The following KLHL2 variants were observed in gnomAD, a reference collection of about 807,000 sequenced individuals.
KLHL2 encodes the protein kelch-like protein 2.
KLHL2 carries 15 observed loss-of-function variants against 75.8 expected under a neutral mutation model. The observed-to-expected ratio is 0.20, with a 90% CI of 0.13 to 0.30. The LOEUF is 0.30. Among genes scored for constraint, KLHL2 ranks in the 10% least tolerant of loss-of-function variants. KLHL2 has a pLI of 1.00. For missense variants in KLHL2, 381 were observed against 741.0 expected (o/e 0.51, Z 5.64); for synonymous variants, 214 against 251.9 (o/e 0.85, Z 1.42).
At chr4:165,257,477 G>C (rs576882479) in intron 4 of KLHL2, among the ~76,000 whole-genome samples, 1 of 152,204 alleles carries the variant, frequency 6.6e-6, no homozygotes, top group Non-Finnish European at 1.5e-5. Flanking sequence ...GAAGGCCTAG[G>C]ATAGGAAGCC....
rs182921799 is a variant in KLHL2, at chr4:165,271,732, A to C, written c.544+8373A>C. Among the ~76,000 whole-genome samples, 279 of 152,350 alleles carry C rather than the reference A, an allele frequency of 1.8e-3. 1 individual carries two copies. Among genetic ancestry groups the C allele is most frequent in the Non-Finnish European group, 2.3e-3 (156 of 68,028 alleles). On this transcript the variant is annotated intron_variant, in intron 5 of 14. Transcript: ENST00000226725. ...ATTTCTGGAAGATAAATCTGGTAGA[A>C]GTTACAATCCACCAACTGCCTGCAA...
intron 9 of KLHL2, 24 bp from the exon 10 acceptor site, chr4:165,310,529 T>C (rs1746078537): frequency 6.2e-7 from 1 of 1,607,560 alleles, no homozygotes; most frequent in Non-Finnish European, 8.5e-7. Flanking sequence ...ATGTTGATCA[T>C]TAAATGCTGT....
chr4:165,284,589 A>G (rs1169206724), intron 5 of KLHL2, among the ~76,000 whole-genome samples: 1 of 152,114 alleles, frequency 6.6e-6, no homozygotes, highest in Non-Finnish European at 1.5e-5. Context: ...ATCTCTAGGG[A>G]CTTCTAAACT....
rs191181868 is a variant in KLHL2, at chr4:165,264,413, C to T, written c.544+1054C>T. On this transcript the variant is annotated intron_variant, in intron 5 of 14. Transcript: ENST00000226725. ...TGAGTCTCCCATGTCCATTATACCA[C>T]TCTGTCTGCCTTTGCATACTGATAG... 5.9e-3 allele frequency among the ~76,000 whole-genome samples: 897 copies of T among 151,676 alleles called. 31 individuals carry two copies. Among genetic ancestry groups the T allele is most frequent in the Non-Finnish European group, 2.0e-3 (136 of 67,954 alleles).
chr4:165,209,689 A>C (rs1344094732), intron 1 of KLHL2, among the ~76,000 whole-genome samples: 3 of 152,214 alleles, frequency 2.0e-5, no homozygotes, highest in Non-Finnish European at 4.4e-5. Context: ...TATAATGGAA[A>C]ACTTGGAATG....
intron 5 of KLHL2, among the ~76,000 whole-genome samples, chr4:165,273,644 G>A (rs1193510680): frequency 6.6e-6 from 1 of 152,182 alleles, no homozygotes; most frequent in Non-Finnish European, 1.5e-5. Context: ...GCTGCCATCC[G>A]TGTAAGACAT....
At position 165,207,948 on chromosome 4, in the gene KLHL2, C is replaced by G; in HGVS notation, c.26+46C>G. ...GCTGCGCCGCTGCGGATAAGCGCGC[C>G]GCTGCGGCGCGTGTCGCCGGCCGCG... On this transcript the variant is annotated intron_variant, in intron 1 of 14. Coordinates refer to ENST00000226725, the MANE Select transcript of KLHL2 (RefSeq NM_007246.4). This position sits in a 1 kb window ranked among gnomAD's most constrained non-coding sequence, Gnocchi z 4.2. The G allele has an allele frequency of 8.5e-6, 11 of 1,290,090 alleles. No individual in the cohort carries two copies. Among genetic ancestry groups the G allele is most frequent in the Non-Finnish European group, 1.1e-5 (11 of 1,018,750 alleles). The allele number at this position is 1,290,090 out of a possible 1,614,324, so 79.9% of individuals were successfully genotyped here.
intron 5 of KLHL2, among the ~76,000 whole-genome samples, chr4:165,264,585 C>CATATATATATATATATATATAT (rs55960426): frequency 4.6e-5 from 6 of 129,396 alleles, no homozygotes; most frequent in African/African-American, 1.8e-4. Context: ...AGTATTCCAT[C>CATATATATATATATATATATAT]ATATATATAT....
intron 5 of KLHL2, among the ~76,000 whole-genome samples, chr4:165,284,305 C>T (rs867083212): frequency 7.9e-5 from 12 of 152,234 alleles, no homozygotes; most frequent in Non-Finnish European, 1.0e-4. Flanking sequence ...GTTTCCCTTT[C>T]GAAACTGAAT....
chr4:165,320,395 C>T (rs988262286), intron 14 of KLHL2, among the ~76,000 whole-genome samples: 1 of 152,212 alleles, frequency 6.6e-6, no homozygotes, highest in Non-Finnish European at 1.5e-5. Context: ...ATCTATGCTT[C>T]AGGTTCAGGA....
chr4:165,264,721 C>CATACATAT (rs1742051573), intron 5 of KLHL2, among the ~76,000 whole-genome samples: 1 of 71,198 alleles, frequency 1.4e-5, no homozygotes, highest in Non-Finnish European at 2.6e-5. Context: ...TATATATATA[C>CATACATAT]ATATATATAT....
chr4:165,253,665 C>T (rs1209509997), intron 4 of KLHL2, among the ~76,000 whole-genome samples: 2 of 152,212 alleles, frequency 1.3e-5, no homozygotes, highest in Non-Finnish European at 2.9e-5. Flanking sequence ...TTTATAACCT[C>T]AGGTCTCTTC....
At chr4:165,262,824 C>T (rs1239688349) in intron 4 of KLHL2, among the ~76,000 whole-genome samples, 1 of 152,148 alleles carries the variant, frequency 6.6e-6, no homozygotes, top group Non-Finnish European at 1.5e-5. Flanking sequence ...AGCGATCCTC[C>T]TGTCTTGGCC....
intron 5 of KLHL2, among the ~76,000 whole-genome samples, chr4:165,268,864 T>C (rs1742456772): frequency 6.6e-6 from 1 of 152,194 alleles, no homozygotes; most frequent in African/African-American, 2.4e-5. Flanking sequence ...GTCCTGGATA[T>C]CCTTGTTATT....
intron 2 of KLHL2, among the ~76,000 whole-genome samples, chr4:165,225,799 G>A (rs146244813): frequency 6.6e-6 from 1 of 152,208 alleles, no homozygotes; most frequent in Admixed American, 6.5e-5. Context: ...TATTACTGAA[G>A]ACAAATAAAA....
At chr4:165,256,077 A>G (rs1473320738) in intron 4 of KLHL2, among the ~76,000 whole-genome samples, 1 of 152,036 alleles carries the variant, frequency 6.6e-6, no homozygotes, top group East Asian at 1.9e-4. Flanking sequence ...TGGCTTGTCA[A>G]ACAATGTGAA....
rs1214921913 is a variant in KLHL2, at chr4:165,207,902, C to T, written c.26C>T (p.Ala9Val). The T allele has an allele frequency of 7.0e-7, 1 of 1,432,430 alleles. No individual in the cohort carries two copies. Among genetic ancestry groups the T allele is most frequent in the Non-Finnish European group, 9.2e-7 (1 of 1,085,220 alleles). 88.7% of individuals were successfully genotyped at this position (1,432,430 alleles called of 1,614,324 possible). A position where few individuals can be genotyped will look rare whatever the true frequency, so the allele number is the denominator to read the frequency against. METPPLPP[A>V]CTKQGHQKPL... ...ATGGAGACGCCGCCGCTGCCTCCCGCGTGAGTGAGCGGGCGGGCGGGCTGC... is the reference window on the plus strand; with the variant it reads ...ATGGAGACGCCGCCGCTGCCTCCCGTGTGAGTGAGCGGGCGGGCGGGCTGC... Residue 9 changes from alanine (A) to valine (V), a missense_variant and splice_region_variant, in exon 1 of 15, where the codon GCA (alanine) becomes GTA (valine). Physicochemically the swap from Ala to Val is moderately conservative, Grantham distance 64. Around this residue, in one of 5 missense-constraint regions of KLHL2, gnomAD observed 48 missense variants for 88.9 expected, o/e 0.54. Coordinates refer to ENST00000226725, the MANE Select transcript of KLHL2 (RefSeq NM_007246.4). This position sits in a 1 kb window ranked among gnomAD's most constrained non-coding sequence, Gnocchi z 4.2.
intron 5 of KLHL2, among the ~76,000 whole-genome samples, chr4:165,285,726 A>G (rs1302171861): frequency 6.6e-6 from 1 of 151,868 alleles, no homozygotes; most frequent in Non-Finnish European, 1.5e-5. Context: ...TATACTTAAC[A>G]CTGTTAAACT....
chr4:165,284,538 T>A (rs949503079), intron 5 of KLHL2, among the ~76,000 whole-genome samples: 1 of 152,208 alleles, frequency 6.6e-6, no homozygotes, highest in Non-Finnish European at 1.5e-5. Flanking sequence ...GATTTCATTG[T>A]CCATATCATT....
Sources: gnomAD v4.1 joint callset for allele counts (sites outside exome capture counted in the v4.1 genomes callset) on GRCh38, gnomAD v4.1.1 for gene constraint, gnomAD v4.1.1 regional missense constraint, Gnocchi (gnomAD v3.1) non-coding constraint, MANE v1.5 for transcripts, NCBI Gene and HGNC (gene_info 2026-07-23, HGNC 2026-07-21) for gene names.